Variants in LRP1B observed in about 807,000 individuals in gnomAD.
LRP1B encodes the protein low-density lipoprotein receptor-related protein 1B.
LRP1B carries 217 observed loss-of-function variants against 556.6 expected under a neutral mutation model. That is an observed-to-expected ratio of 0.39 (90% confidence interval 0.35 to 0.44). The LOEUF (loss-of-function observed/expected upper bound fraction) is 0.44, where lower values mean the gene tolerates loss of function less well. LRP1B is among the 20% of genes least tolerant of loss of function. The pLI is 1.00. For synonymous variants in LRP1B, 2,047 were observed against 1,865.8 expected (o/e 1.10, Z -2.50); for missense variants, 5,053 against 5,620.8 (o/e 0.90, Z 3.23).
chr2:141,933,871 G>A (rs1700566868), intron 1 of LRP1B, among the ~76,000 whole-genome samples: 1 of 151,982 alleles, frequency 6.6e-6, no homozygotes, highest in South Asian at 2.1e-4. Flanking sequence ...ATAAATTCAT[G>A]AGTAATATGA....
intron 59 of LRP1B, among the ~76,000 whole-genome samples, chr2:140,484,881 G>A (rs1223639414): frequency 6.6e-6 from 1 of 152,028 alleles, no homozygotes; most frequent in Non-Finnish European, 1.5e-5. Context: ...TCATCTTGAA[G>A]GCACATGATA....
chr2:140,946,607 G>C (rs1695555587), intron 20 of LRP1B, among the ~76,000 whole-genome samples: 1 of 151,736 alleles, frequency 6.6e-6, no homozygotes. Context: ...TCTCAAACAA[G>C]AACAACAACA....
intron 2 of LRP1B, among the ~76,000 whole-genome samples, chr2:141,643,104 G>A (rs1689408017): frequency 6.6e-6 from 1 of 152,102 alleles, no homozygotes; most frequent in South Asian, 2.1e-4. Flanking sequence ...AGACATCTGA[G>A]AATTATTAAT....
chr2:141,869,729 A>C (rs1048554010), intron 1 of LRP1B, among the ~76,000 whole-genome samples: 1 of 152,156 alleles, frequency 6.6e-6, no homozygotes, highest in Non-Finnish European at 1.5e-5. Context: ...ACAATGTTAA[A>C]AGGATTAAAT....
chr2:141,133,007 A>G (rs749006958), intron 7 of LRP1B, among the ~76,000 whole-genome samples: 19 of 152,002 alleles, frequency 1.2e-4, no homozygotes, highest in Non-Finnish European at 1.9e-4. Context: ...CCCTGATGTG[A>G]TTTTATTCCA....
At chr2:140,801,090 T>C (rs1033308345) in intron 32 of LRP1B, among the ~76,000 whole-genome samples, 1 of 152,202 alleles carries the variant, frequency 6.6e-6, no homozygotes, top group African/African-American at 2.4e-5. Flanking sequence ...TCATATATTT[T>C]ACTATTATTG....
At chr2:141,482,080 G>C (rs1018703369) in intron 2 of LRP1B, among the ~76,000 whole-genome samples, 11 of 151,848 alleles carry the variant, frequency 7.2e-5, no homozygotes, top group African/African-American at 2.7e-4. Flanking sequence ...CATATTTTAG[G>C]ATATGCAAAA....
At chr2:141,717,115 A>ATATAAATGTCAG (rs1463294228) in intron 2 of LRP1B, among the ~76,000 whole-genome samples, 1 of 152,122 alleles carries the variant, frequency 6.6e-6, no homozygotes, top group Non-Finnish European at 1.5e-5. Context: ...CAGAGGTATG[A>ATATAAATGTCAG]TATAAATGTC....
At chr2:140,373,734 A>G (rs1683097283) in intron 68 of LRP1B, among the ~76,000 whole-genome samples, 1 of 152,134 alleles carries the variant, frequency 6.6e-6, no homozygotes, top group African/African-American at 2.4e-5. Context: ...ATGGGCACAC[A>G]TGAATACCAC....
chr2:140,785,473 G>A (rs1689863079), intron 32 of LRP1B, among the ~76,000 whole-genome samples: 2 of 152,188 alleles, frequency 1.3e-5, no homozygotes, highest in South Asian at 4.1e-4. Flanking sequence ...ACAAGTTAAG[G>A]GGACAGCCAT....
chr2:140,406,326 C>T (rs2105238147), intron 66 of LRP1B, among the ~76,000 whole-genome samples: 1 of 152,064 alleles, frequency 6.6e-6, no homozygotes, highest in Non-Finnish European at 1.5e-5. Context: ...TGATATACTA[C>T]TGAAAGTCCC....
At position 140,319,344 on chromosome 2, in the gene LRP1B, C is replaced by G. The variant is rs1351282065; in HGVS notation, c.12640+2619G>C. ...TTATTTCTGTGCATTATCCTAATCT[C>G]TCTCCTAAATGCCTCTCTCACCCAA... On this transcript the variant is annotated intron_variant, in intron 82 of 90. Coordinates refer to ENST00000389484, the MANE Select transcript of LRP1B (RefSeq NM_018557.3). 2.0e-5 allele frequency among the ~76,000 whole-genome samples: 3 copies of G among 152,278 alleles called. No individual in the cohort carries two copies. The East Asian group carries it at 5.8e-4, about 29-fold the overall frequency.
intron 66 of LRP1B, among the ~76,000 whole-genome samples, chr2:140,421,958 A>G (rs1685464099): frequency 6.6e-6 from 1 of 152,252 alleles, no homozygotes; most frequent in African/African-American, 2.4e-5. Context: ...CAGGTTTGAC[A>G]GAAATGTCAG....
chr2:140,627,267 T>G (rs1051046640), intron 41 of LRP1B, among the ~76,000 whole-genome samples: 1 of 152,098 alleles, frequency 6.6e-6, no homozygotes, highest in Non-Finnish European at 1.5e-5. Flanking sequence ...GCGAGGGTGT[T>G]GAAAGATTAA....
At chr2:142,022,926 C>T (rs889605866) in intron 1 of LRP1B, among the ~76,000 whole-genome samples, 4 of 152,126 alleles carry the variant, frequency 2.6e-5, no homozygotes, top group Admixed American at 6.5e-5. Context: ...CTGCCCACCT[C>T]GGCCTTCCAA....
At chr2:140,866,767 G>T (rs766195102) in intron 27 of LRP1B, among the ~76,000 whole-genome samples, 2 of 151,996 alleles carry the variant, frequency 1.3e-5, no homozygotes, top group Non-Finnish European at 1.5e-5. Flanking sequence ...AGAGGTAATT[G>T]GTTTTAGTCA....
chr2:141,741,744 C>T (rs566261533), intron 2 of LRP1B, among the ~76,000 whole-genome samples: 2 of 152,150 alleles, frequency 1.3e-5, no homozygotes, highest in South Asian at 2.1e-4. Flanking sequence ...CTGTAGTTTA[C>T]CTCTTCACTT....
intron 1 of LRP1B, among the ~76,000 whole-genome samples, chr2:142,078,820 TATA>T (rs2104926344): frequency 6.6e-6 from 1 of 152,240 alleles, no homozygotes; most frequent in Admixed American, 6.5e-5. Context: ...AGATAGCACA[TATA>T]ATAAGTAGTA....
chr2:141,388,187 G>A (rs149455176), intron 3 of LRP1B, among the ~76,000 whole-genome samples: 1,795 of 152,214 alleles, frequency 0.012, 23 homozygotes, highest in Middle Eastern at 0.02. Flanking sequence ...TGTAATCTCA[G>A]CACTTTGGGA....
Sources: gnomAD v4.1 joint callset for allele counts (sites outside exome capture counted in the v4.1 genomes callset) on GRCh38, gnomAD v4.1.1 for gene constraint, MANE v1.5 for transcripts, NCBI Gene and HGNC (gene_info 2026-07-23, HGNC 2026-07-21) for gene names.